SH2D5: variants seen among roughly 807,000 people sequenced by gnomAD.
The protein encoded by SH2D5 is SH2 domain containing 5, also known as SH2 domain-containing protein 5.
In SH2D5, 45 loss-of-function variants were observed where a neutral mutation model predicts 48.2. The observed-to-expected ratio is 0.93, with a 90% confidence interval of 0.73 to 1.20. The LOEUF (loss-of-function observed/expected upper bound fraction) is 1.20. SH2D5 is among the 50% of genes most tolerant of loss of function. SH2D5 has a pLI of 0.00. For synonymous variants in SH2D5, 230 were observed against 249.8 expected (o/e 0.92, Z 0.75); for missense variants, 538 against 584.1 (o/e 0.92, Z 0.81).
intron 7 of SH2D5, 98 bp from the exon 8 acceptor site, chr1:20,723,832 C>T (rs2054738706): frequency 9.2e-7 from 1 of 1,083,316 alleles, no homozygotes; most frequent in Non-Finnish European, 1.4e-6. Context: ...CTCCCCAAGC[C>T]TCTCTACCCT....
chr1:20,728,799 G>C lies in SH2D5; in HGVS notation c.-42-713C>G, dbSNP rs1023530441. Reference sequence around the variant, plus strand: ...GGAGCTATAGCAGGTTCTAGGGCAGGAGCTCTGTAGTTCATGAAGGTGGCT... The same window carrying C: ...GGAGCTATAGCAGGTTCTAGGGCAGCAGCTCTGTAGTTCATGAAGGTGGCT... On this transcript the variant is annotated intron_variant, in intron 1 of 9. Coordinates refer to ENST00000444387, the MANE Select transcript of SH2D5 (RefSeq NM_001103161.2). The surrounding 1 kb of genome is among the most constrained non-coding windows in gnomAD (Gnocchi z 4.3). 1.3e-5 allele frequency among the ~76,000 whole-genome samples: 2 copies of C among 152,172 alleles called. No individual in the cohort carries two copies. The highest frequency in any genetic ancestry group is 2.9e-5 in the Non-Finnish European group (2 of 68,024).
At chr1:20,730,383 C>G (rs993993434) in intron 1 of SH2D5, among the ~76,000 whole-genome samples, 1 of 152,062 alleles carries the variant, frequency 6.6e-6, no homozygotes, top group Non-Finnish European at 1.5e-5. Flanking sequence ...CACACTCACA[C>G]GCGCACACAG....
rs41265083 is a variant in SH2D5, at chr1:20,728,146, C to G, written c.-42-60G>C. 13 of 770,376 alleles carry G rather than the reference C, an allele frequency of 1.7e-5. No individual in the cohort carries two copies. Among genetic ancestry groups the G allele is most frequent in the East Asian group, 2.8e-5 (1 of 35,862 alleles). 47.7% of individuals were successfully genotyped at this position (770,376 alleles called of 1,614,324 possible). A position where few individuals can be genotyped will look rare whatever the true frequency, so the allele number is the denominator to read the frequency against. ...GGCAGGCAAGCCACAGAGTGCCCCC[C>G]ACAGGCCATTCATTCACTGGCTTCC... On this transcript the variant is annotated intron_variant, in intron 1 of 9. Coordinates refer to ENST00000444387, the MANE Select transcript of SH2D5 (RefSeq NM_001103161.2). This position sits in a 1 kb window ranked among gnomAD's most constrained non-coding sequence, Gnocchi z 4.3.
chr1:20,725,412 C>T (rs954726824), intron 5 of SH2D5, among the ~76,000 whole-genome samples: 3 of 152,204 alleles, frequency 2.0e-5, no homozygotes, highest in African/African-American at 7.2e-5. Context: ...CTGATCTACC[C>T]GCCCACCCCG....
rs574976005 is a variant in SH2D5 at position 20,719,742 on chromosome 1, A to C, written c.*2050T>G. The stretch of plus-strand genomic sequence containing the variant: ...TGTAGCAGACAATCTGAAGCAACAC[A>C]TTTTATTTTGTTTCAAGTCCACACA... On this transcript the variant is annotated 3_prime_UTR_variant, in exon 10 of 10. Transcript: ENST00000444387. 6.6e-6 allele frequency: 1 copy of C among 152,326 alleles called. No homozygotes were observed. The highest frequency in any genetic ancestry group is 2.4e-5 in the African/African-American group (1 of 41,568). 9.4% of individuals were successfully genotyped at this position (152,326 alleles called of 1,614,324 possible).
chr1:20,731,124 T>C (rs2054899322), intron 1 of SH2D5: 1 of 152,196 alleles, frequency 6.6e-6, no homozygotes, highest in Non-Finnish European at 1.5e-5. Flanking sequence ...CACAGATAAG[T>C]AGGGTGTCCA....
chr1:20,722,034 C>T, intron 9 of SH2D5, 39 bp from the exon 10 acceptor site: 1 of 1,587,014 alleles, frequency 6.3e-7, no homozygotes. Flanking sequence ...TCCCCTTCCC[C>T]AGGGCTCACG....
In SH2D5 at chr1:20,729,852, G is replaced by A. The variant is rs2054873515; in HGVS notation, c.-42-1766C>T. On this transcript the variant is annotated intron_variant, in intron 1 of 9. Coordinates refer to ENST00000444387, the MANE Select transcript of SH2D5 (RefSeq NM_001103161.2). This position sits in a 1 kb window ranked among gnomAD's most constrained non-coding sequence, Gnocchi z 4.2. ...AGCAGCCAGGAGCCAGAAAAAAAAT[G>A]CTGCACCTGCACCATCCCCTTGAGA... 6.6e-6 allele frequency among the ~76,000 whole-genome samples: 1 copy of A among 152,240 alleles called. No individual in the cohort carries two copies. Among genetic ancestry groups the A allele is most frequent in the African/African-American group, 2.4e-5 (1 of 41,462 alleles).
intron 4 of SH2D5, among the ~76,000 whole-genome samples, chr1:20,726,791 T>A (rs1313723276): frequency 1.3e-5 from 2 of 151,492 alleles, no homozygotes; most frequent in Non-Finnish European, 2.9e-5. Flanking sequence ...GGCCCAGGGG[T>A]GGGAAGCTGT....
chr1:20,732,139 C>G lies in SH2D5; in HGVS notation c.-43+42G>C, dbSNP rs913208711. ...CGCCCCCACACGTGGCCGCGGGAAC[C>G]GACCCCCGGATCACCTGGCGGCGGC... On this transcript the variant is annotated intron_variant, in intron 1 of 9. Coordinates refer to ENST00000444387, the MANE Select transcript of SH2D5 (RefSeq NM_001103161.2). The surrounding 1 kb of genome is among the most constrained non-coding windows in gnomAD (Gnocchi z 5.1). The G allele has an allele frequency of 1.3e-4, 20 of 151,904 alleles. No individual in the cohort carries two copies. The highest frequency in any genetic ancestry group is 2.5e-4 in the Non-Finnish European group (17 of 67,914). The allele number at this position is 151,904 out of a possible 1,614,324, so 9.4% of individuals were successfully genotyped here.
chr1:20,723,097 C>T (rs999563650), intron 8 of SH2D5, among the ~76,000 whole-genome samples, 182 bp from the exon 9 acceptor site: 5 of 152,202 alleles, frequency 3.3e-5, no homozygotes, highest in Non-Finnish European at 5.9e-5. Context: ...AGGAGGATCC[C>T]TTGAGCACAG....
chr1:20,732,388 C>G lies in SH2D5; in HGVS notation c.-250G>C, dbSNP rs2054926212. On this transcript the variant is annotated 5_prime_UTR_variant, in exon 1 of 10. Transcript: ENST00000444387. The surrounding 1 kb of genome is among the most constrained non-coding windows in gnomAD (Gnocchi z 5.1). ...CTCCTCCTGGAGGGCCTCTGCCCCT[C>G]CCCTCTCTGGCTGGCTCCTCCGCGT... is the stretch of plus-strand genomic sequence containing the variant. 6.6e-6 allele frequency: 1 copy of G among 152,394 alleles called. No homozygotes were observed. The highest frequency in any genetic ancestry group is 1.5e-5 in the Non-Finnish European group (1 of 68,186). The allele number at this position is 152,394 out of a possible 1,614,324, so 9.4% of individuals were successfully genotyped here.
At chr1:20,727,823 C>T (rs1557619283) in intron 2 of SH2D5, 135 bp downstream of exon 2, 1 of 890,870 alleles carries the variant, frequency 1.1e-6, no homozygotes, top group Non-Finnish European at 1.8e-6. Flanking sequence ...TCGGGGCACA[C>T]ACACACTCCC....
chr1:20,725,502 A>G (rs1373069392), intron 5 of SH2D5, among the ~76,000 whole-genome samples: 1 of 152,212 alleles, frequency 6.6e-6, no homozygotes, highest in African/African-American at 2.4e-5. Flanking sequence ...TAATTAGGGC[A>G]GACGATGGTA....
chr1:20,723,800 C>A (rs2054737874), intron 7 of SH2D5, 66 bp from the exon 8 acceptor site: 1 of 1,325,258 alleles, frequency 7.5e-7, no homozygotes, highest in Non-Finnish European at 1.1e-6. Context: ...CGGCCGCAGG[C>A]CTCATCACCC....
At chr1:20,727,213 C>T (rs1209017989) in intron 3 of SH2D5, 138 bp from the exon 4 acceptor site, 24 of 724,620 alleles carry the variant, frequency 3.3e-5, no homozygotes, top group Admixed American at 2.1e-4. Context: ...GGCTGGTGGA[C>T]CCCCCTGGCG....
Position 20,722,854 on chromosome 1 carries a change from G to T in SH2D5, c.970C>A (p.Leu324Met). The T allele has an allele frequency of 6.2e-7, 1 of 1,605,646 alleles. No individual in the cohort carries two copies. The highest frequency in any genetic ancestry group is 1.7e-4 in the Middle Eastern group (1 of 6,026). ...AGACACCACTGGCCGCTAGCACCCA[G>T]CTCAGGCCACAGCAGGAAGGCCCCC... ...VLGAFLLWPE[L>M]GASGQWCLSV... The change falls in exon 9 of 10, where the codon CTG becomes ATG. Residue 324 changes from leucine to methionine, a missense_variant. Leu to Met is a conservative substitution (Grantham distance 15, BLOSUM62 2). Coordinates refer to ENST00000444387, the MANE Select transcript of SH2D5 (RefSeq NM_001103161.2).
chr1:20,728,988 G>A lies in SH2D5; in HGVS notation c.-42-902C>T, dbSNP rs2054859807. On this transcript the variant is annotated intron_variant, in intron 1 of 9. Transcript: ENST00000444387. The surrounding 1 kb of genome is among the most constrained non-coding windows in gnomAD (Gnocchi z 4.3). ...GTGCGCTGATGCAGACAGGATGTGG[G>A]GAAGGAGGACAACTGCCCTGGGGGC... 6.6e-6 allele frequency among the ~76,000 whole-genome samples: 1 copy of A among 152,110 alleles called. No homozygotes were observed. The highest frequency in any genetic ancestry group is 2.4e-5 in the African/African-American group (1 of 41,414).
At position 20,723,626 on chromosome 1, in the gene SH2D5, C is replaced by T; in HGVS notation, c.908G>A (p.Arg303Lys). The T allele has an allele frequency of 6.2e-7, 1 of 1,611,798 alleles. No homozygotes were observed. The highest frequency in any genetic ancestry group is 2.2e-5 in the East Asian group (1 of 44,860). The change falls in exon 8 of 10, where the codon AGG becomes AAG. Residue 303 changes from arginine (R) to lysine (K), a missense_variant and splice_region_variant. Physicochemically the swap from Arg to Lys is conservative, Grantham distance 26. Coordinates refer to ENST00000444387, the MANE Select transcript of SH2D5 (RefSeq NM_001103161.2). Reference sequence around the variant, plus strand: ...TCAGGCCAGGCCAGGCCCTTCCTACCTGGAGATGCCAGCGAAGGCCCAGAT... The same window carrying T: ...TCAGGCCAGGCCAGGCCCTTCCTACTTGGAGATGCCAGCGAAGGCCCAGAT... Reference protein sequence around the residue: ...ENIWAFAGISRPCALALLRRD... With the variant: ...ENIWAFAGISKPCALALLRRD...
Sources: allele counts gnomAD v4.1 joint callset (sites outside exome capture counted in the v4.1 genomes callset), GRCh38; gene constraint gnomAD v4.1.1; non-coding constraint Gnocchi (gnomAD v3.1); transcripts MANE v1.5; gene names NCBI Gene and HGNC (gene_info 2026-07-23, HGNC 2026-07-21).